Variants in RABGAP1L observed in about 807,000 individuals in gnomAD.
RABGAP1L encodes RAB GTPase activating protein 1 like, also known as rab GTPase-activating protein 1-like.
In RABGAP1L, 63 loss-of-function variants were observed where a neutral mutation model predicts 137.7. That is an observed-to-expected ratio of 0.46 (90% CI 0.37 to 0.56). The LOEUF (loss-of-function observed/expected upper bound fraction) is 0.56, where lower values mean the gene tolerates loss of function less well. Among genes scored for constraint, RABGAP1L ranks in the 20% least tolerant of loss-of-function variants. The pLI, the probability that RABGAP1L is intolerant of heterozygous loss-of-function variation, is 0.00. For synonymous variants in RABGAP1L, 431 were observed against 433.7 expected, an observed-to-expected ratio of 0.99 and a Z score of 0.08; for missense variants, 1,095 against 1,244.0, an observed-to-expected ratio of 0.88 and a Z score of 1.80.
chr1:174,967,883 T>C (rs968927192), intron 20 of RABGAP1L, among the ~76,000 whole-genome samples: 1 of 151,926 alleles, frequency 6.6e-6, no homozygotes, highest in African/African-American at 2.4e-5. Context: ...AGTCGATATG[T>C]TTTTCAATAA....
chr1:174,652,282 T>G (rs1675580013), intron 14 of RABGAP1L, among the ~76,000 whole-genome samples: 1 of 152,152 alleles, frequency 6.6e-6, no homozygotes, highest in Non-Finnish European at 1.5e-5. Context: ...TTTCCTTCAT[T>G]TCCACTGTGG....
chr1:174,827,549 C>T lies in RABGAP1L; in HGVS notation c.2340+15589C>T, dbSNP rs576356382. ...TTCTCTGAAAACATTCTCTTCTGAA[C>T]GTGAATCTTGCTTGGCAGCTCTGAG... is the stretch of plus-strand genomic sequence containing the variant. On this transcript the variant is annotated intron_variant, in intron 19 of 25. Transcript: ENST00000681986. 6.6e-4 allele frequency among the ~76,000 whole-genome samples: 97 copies of T among 148,024 alleles called. 9 individuals carry two copies. The highest frequency in any genetic ancestry group is 1.3e-3 in the African/African-American group (53 of 40,668).
chr1:174,762,715 A>G (rs1395506412), intron 18 of RABGAP1L, among the ~76,000 whole-genome samples: 4 of 152,088 alleles, frequency 2.6e-5, no homozygotes, highest in African/African-American at 9.7e-5. Flanking sequence ...AAATTGAGAA[A>G]GCATAGGTTT....
intron 19 of RABGAP1L, chr1:174,850,080 T>A: frequency 1.9e-6 from 1 of 527,184 alleles, no homozygotes; most frequent in Admixed American, 2.0e-5. Context: ...GTGTCTGGGA[T>A]TGGGAGGGGG....
At chr1:174,515,863 A>G (rs1198956088) in intron 13 of RABGAP1L, among the ~76,000 whole-genome samples, 1 of 147,228 alleles carries the variant, frequency 6.8e-6, no homozygotes, top group Non-Finnish European at 1.5e-5. Flanking sequence ...AATAAAAATG[A>G]TAGAATGAGC....
chr1:174,651,234 T>G (rs1173559378), intron 14 of RABGAP1L, among the ~76,000 whole-genome samples: 1 of 151,960 alleles, frequency 6.6e-6, no homozygotes, highest in African/African-American at 2.4e-5. Context: ...TTACATTTGC[T>G]GAGGAGAGCT....
chr1:174,851,380 A>G (rs562073835), intron 19 of RABGAP1L, among the ~76,000 whole-genome samples: 11 of 152,246 alleles, frequency 7.2e-5, no homozygotes, highest in African/African-American at 1.9e-4. Flanking sequence ...TTGGTGCCAT[A>G]AGTAGAATAT....
intron 13 of RABGAP1L, among the ~76,000 whole-genome samples, chr1:174,481,446 G>A (rs1275653470): frequency 2.6e-5 from 4 of 151,974 alleles, no homozygotes; most frequent in South Asian, 2.1e-4. Context: ...CTCTATACTC[G>A]TCTCTGCCTA....
chr1:174,275,814 ACT>A lies in RABGAP1L; in HGVS notation c.1054-18_1054-17del. 1 of 1,575,918 alleles carries A rather than the reference ACT, an allele frequency of 6.3e-7. No individual in the cohort carries two copies. The highest frequency in any genetic ancestry group is 1.7e-4 in the Middle Eastern group (1 of 5,976). On this transcript the variant is annotated splice_polypyrimidine_tract_variant and intron_variant, in intron 8 of 25. Transcript: ENST00000681986. ...TTTTTGATGTCTTTTATCAGTAATT[ACT>A]GTTTGAATTTTTATAGGAATCCATG...
At chr1:174,275,799 C>A (rs541344711) in intron 8 of RABGAP1L, 34 bp from the exon 9 acceptor site, 2 of 1,499,944 alleles carry the variant, frequency 1.3e-6, no homozygotes, top group African/African-American at 1.4e-5. Context: ...TTTTTGATGT[C>A]TTTTATCAGT....
intron 19 of RABGAP1L, among the ~76,000 whole-genome samples, chr1:174,929,757 T>A (rs1301632902): frequency 2.3e-5 from 3 of 130,760 alleles, no homozygotes; most frequent in East Asian, 2.1e-4. Context: ...CTACAAAAAA[T>A]AAATAAATAA....
chr1:174,386,985 C>T (rs538674766), intron 12 of RABGAP1L, among the ~76,000 whole-genome samples: 2 of 149,544 alleles, frequency 1.3e-5, no homozygotes, highest in Non-Finnish European at 3.0e-5. Context: ...AATAAACAGT[C>T]AAATAGAGAT....
chr1:174,925,354 C>CAAAAAAAAAAAAAA (rs545791515), intron 19 of RABGAP1L, among the ~76,000 whole-genome samples: 1 of 54,782 alleles, frequency 1.8e-5, no homozygotes, highest in Non-Finnish European at 3.8e-5. Flanking sequence ...GACTCCGTCT[C>CAAAAAAAAAAAAAA]AAAAAAAAAA....
chr1:174,272,600 A>G (rs1291734692), intron 8 of RABGAP1L, 120 bp downstream of exon 8: 2 of 1,251,500 alleles, frequency 1.6e-6, no homozygotes, highest in Admixed American at 7.3e-5. Context: ...GCTGTGTGAT[A>G]GTAATAATTA....
chr1:174,223,701 G>C (rs1669949544), intron 3 of RABGAP1L, among the ~76,000 whole-genome samples: 1 of 152,068 alleles, frequency 6.6e-6, no homozygotes, highest in Non-Finnish European at 1.5e-5. Flanking sequence ...CTGTAACTTG[G>C]GTGGGAATTT....
chr1:174,368,939 T>C lies in RABGAP1L; in HGVS notation c.1466-2040T>C, dbSNP rs1306453761. 2.0e-5 allele frequency among the ~76,000 whole-genome samples: 3 copies of C among 152,286 alleles called. No individual in the cohort carries two copies. In the South Asian group the frequency reaches 6.2e-4, roughly 32 times the overall value. The stretch of plus-strand genomic sequence containing the variant: ...TAATATCTAGGAATGTTTATTTCCT[T>C]TTCTCTTTTTTGTTTTCATTGTGTT... On this transcript the variant is annotated intron_variant, in intron 11 of 25. Coordinates refer to ENST00000681986, the MANE Select transcript of RABGAP1L (RefSeq NM_001366446.1).
chr1:174,683,453 T>C (rs374800467), intron 14 of RABGAP1L, 69 bp from the exon 15 acceptor site: 120 of 1,273,426 alleles, frequency 9.4e-5, no homozygotes, highest in East Asian at 8.5e-4. Context: ...AGGAGCCTGG[T>C]ATGAGCTAAC....
At chr1:174,623,936 T>G (rs548525646) in intron 13 of RABGAP1L, among the ~76,000 whole-genome samples, 169 of 152,286 alleles carry the variant, frequency 1.1e-3, no homozygotes, top group African/African-American at 3.8e-3. Context: ...GTCATTCAGA[T>G]AGTAAAAGCA....
At chr1:174,434,108 TACAC>T (rs35509787) in intron 13 of RABGAP1L, among the ~76,000 whole-genome samples, 4,063 of 134,074 alleles carry the variant, frequency 0.03, 59 homozygotes, top group Admixed American at 0.051. Context: ...CGTGTACACA[TACAC>T]ACACACACAC....
Sources: gnomAD v4.1 joint callset for allele counts (sites outside exome capture counted in the v4.1 genomes callset) on GRCh38, gnomAD v4.1.1 for gene constraint, MANE v1.5 for transcripts, NCBI Gene and HGNC (gene_info 2026-07-23, HGNC 2026-07-21) for gene names.